MYRIP: variants seen among roughly 807,000 people sequenced by gnomAD.
MYRIP encodes rab effector MyRIP.
Under a neutral mutation model 98.0 loss-of-function variants are expected in MYRIP, and 49 were observed. That is an observed-to-expected ratio of 0.50 (90% confidence interval 0.40 to 0.63). The LOEUF is 0.63. Ranked by LOEUF, MYRIP falls within the 30% of genes least tolerant of loss-of-function variation. The pLI is 0.00. For synonymous variants in MYRIP, 404 were observed against 409.5 expected (o/e 0.99, Z 0.16); for missense variants, 1,004 against 1,058.2 (o/e 0.95, Z 0.71).
At chr3:39,880,406 G>A (rs184608433) in intron 1 of MYRIP, among the ~76,000 whole-genome samples, 2 of 152,210 alleles carry the variant, frequency 1.3e-5, no homozygotes, top group Admixed American at 6.5e-5. Flanking sequence ...TGTTGATGTT[G>A]TATAAAAAAT....
At chr3:39,838,860 G>C (rs963407090) in intron 1 of MYRIP, among the ~76,000 whole-genome samples, 1 of 152,026 alleles carries the variant, frequency 6.6e-6, no homozygotes, top group African/African-American at 2.4e-5. Context: ...CGGTTGGTAG[G>C]CTATTAATTA....
upstream of MYRIP, among the ~76,000 whole-genome samples, chr3:39,809,436 T>C (rs1940581077): frequency 6.8e-6 from 1 of 147,246 alleles, no homozygotes; most frequent in African/African-American, 2.5e-5. Context: ...CGAGGTGCTC[T>C]GGAGGAACCG....
At chr3:39,940,727 A>C (rs541637525) in intron 2 of MYRIP, among the ~76,000 whole-genome samples, 1 of 152,208 alleles carries the variant, frequency 6.6e-6, no homozygotes, top group Admixed American at 6.5e-5. Flanking sequence ...TAAAGCAAAC[A>C]ATAGACTAAA....
intron 1 of MYRIP, among the ~76,000 whole-genome samples, chr3:39,856,741 A>C (rs1367427861): frequency 6.6e-6 from 1 of 152,178 alleles, no homozygotes; most frequent in Non-Finnish European, 1.5e-5. Flanking sequence ...CATCCATCTG[A>C]TGGCCCCTGG....
chr3:40,223,861 G>A (rs545762822), intron 11 of MYRIP, among the ~76,000 whole-genome samples: 1 of 152,294 alleles, frequency 6.6e-6, no homozygotes, highest in East Asian at 1.9e-4. Flanking sequence ...AGGGGAAGAT[G>A]CACAATAGTG....
At chr3:40,252,216 C>CG (rs1401163598) in intron 16 of MYRIP, among the ~76,000 whole-genome samples, 1 of 152,110 alleles carries the variant, frequency 6.6e-6, no homozygotes, top group African/African-American at 2.4e-5. Context: ...CACACACCGC[C>CG]GGTCACCCTC....
At chr3:40,218,648 A>T (rs868105469) in intron 11 of MYRIP, among the ~76,000 whole-genome samples, 1 of 139,898 alleles carries the variant, frequency 7.1e-6, no homozygotes, top group African/African-American at 2.7e-5. Flanking sequence ...ATATATATAT[A>T]TATATATACA....
intron 1 of MYRIP, among the ~76,000 whole-genome samples, chr3:39,885,026 C>T (rs901544101): frequency 6.7e-6 from 1 of 148,554 alleles, no homozygotes; most frequent in African/African-American, 2.5e-5. Context: ...TATGAAAGTG[C>T]CTATTTCCTC....
chr3:40,097,058 C>T (rs1195746329), intron 3 of MYRIP, among the ~76,000 whole-genome samples: 1 of 152,190 alleles, frequency 6.6e-6, no homozygotes, highest in Non-Finnish European at 1.5e-5. Flanking sequence ...GAAGCCTAGA[C>T]CTTGACTCAC....
At chr3:40,100,973 T>G (rs1948933718) in intron 3 of MYRIP, among the ~76,000 whole-genome samples, 1 of 152,164 alleles carries the variant, frequency 6.6e-6, no homozygotes, top group Non-Finnish European at 1.5e-5. Flanking sequence ...AATAATTCTC[T>G]TGACTTATTG....
At chr3:39,960,548 A>G (rs1355394087) in intron 2 of MYRIP, among the ~76,000 whole-genome samples, 2 of 152,172 alleles carry the variant, frequency 1.3e-5, no homozygotes, top group Non-Finnish European at 2.9e-5. Flanking sequence ...ACAGAACTCT[A>G]AAGAATTGAT....
chr3:40,183,350 A>C (rs56340479), intron 9 of MYRIP, among the ~76,000 whole-genome samples: 10,511 of 152,202 alleles, frequency 0.069, 1,169 homozygotes, highest in African/African-American at 0.24. Flanking sequence ...GCTCTTCCTG[A>C]TTCCTCCCCC....
chr3:39,938,389 A>G (rs1394539255), intron 2 of MYRIP, among the ~76,000 whole-genome samples: 1 of 152,062 alleles, frequency 6.6e-6, no homozygotes, highest in Non-Finnish European at 1.5e-5. Context: ...GTCTGTGGGC[A>G]TTTGGGTAGT....
intron 3 of MYRIP, among the ~76,000 whole-genome samples, chr3:40,103,636 G>A (rs1423932159): frequency 6.6e-6 from 1 of 152,178 alleles, no homozygotes; most frequent in African/African-American, 2.4e-5. Context: ...GCATGCACCT[G>A]TAATCCCAAC....
At chr3:40,016,523 A>G (rs966365069) in intron 2 of MYRIP, among the ~76,000 whole-genome samples, 1 of 152,176 alleles carries the variant, frequency 6.6e-6, no homozygotes, top group Non-Finnish European at 1.5e-5. Context: ...GCTGTAATCC[A>G]TGCTCCAGAG....
At chr3:40,130,138 T>C (rs1949607315) in intron 3 of MYRIP, among the ~76,000 whole-genome samples, 1 of 152,184 alleles carries the variant, frequency 6.6e-6, no homozygotes, top group Non-Finnish European at 1.5e-5. Flanking sequence ...AGAACACTAC[T>C]AGGATTTCTG....
At chr3:39,841,959 C>G (rs1234725906) in intron 1 of MYRIP, among the ~76,000 whole-genome samples, 1 of 152,196 alleles carries the variant, frequency 6.6e-6, no homozygotes, top group Non-Finnish European at 1.5e-5. Context: ...AGGAGGCAGT[C>G]TGTCCCTTAG....
chr3:40,254,614 T>C (rs764476180), intron 16 of MYRIP, among the ~76,000 whole-genome samples: 11 of 152,034 alleles, frequency 7.2e-5, no homozygotes, highest in Non-Finnish European at 1.6e-4. Context: ...GGGCAAAATA[T>C]GGGGGAGGCA....
intron 10 of MYRIP, among the ~76,000 whole-genome samples, chr3:40,196,203 A>C (rs1200702688): frequency 6.6e-6 from 1 of 151,632 alleles, no homozygotes; most frequent in Non-Finnish European, 1.5e-5. Context: ...ACTTTCATTC[A>C]TTAATCCCAG....
Sources: gnomAD v4.1 joint callset for allele counts (sites outside exome capture counted in the v4.1 genomes callset) on GRCh38, gnomAD v4.1.1 for gene constraint, MANE v1.5 for transcripts, NCBI Gene and HGNC (gene_info 2026-07-23, HGNC 2026-07-21) for gene names.